The following WHRN variants were observed in gnomAD, a reference collection of about 807,000 sequenced individuals.
The protein encoded by WHRN is CASK-interacting protein CIP98.
WHRN carries 41 observed loss-of-function variants against 68.3 expected under a neutral mutation model. The ratio of observed to expected loss-of-function variants is 0.60; its 90% CI spans 0.47 to 0.78. WHRN has a LOEUF of 0.78. Among genes scored for constraint, WHRN ranks in the 30% least tolerant of loss-of-function variants. WHRN has a pLI of 0.00. For synonymous variants in WHRN, 560 were observed against 561.3 expected (o/e 1.00, Z 0.03); for missense variants, 1,243 against 1,244.7 (o/e 1.00, Z 0.02).
intron 7 of WHRN, 79 bp downstream of exon 7, chr9:114,423,235 T>G (rs1836474698): frequency 5.5e-6 from 8 of 1,467,060 alleles, no homozygotes; most frequent in African/African-American, 1.4e-5. Flanking sequence ...GGATTCGAAC[T>G]CAGGCTGGTC....
intron 1 of WHRN, among the ~76,000 whole-genome samples, chr9:114,487,126 T>A (rs891558056): frequency 6.8e-6 from 1 of 147,750 alleles, no homozygotes; most frequent in Admixed American, 6.7e-5. Flanking sequence ...GATTATTAAA[T>A]TAGTCAATAT....
chr9:114,446,332 G>A (rs760484303), intron 3 of WHRN, among the ~76,000 whole-genome samples: 34 of 149,224 alleles, frequency 2.3e-4, no homozygotes, highest in Non-Finnish European at 2.6e-4. Context: ...GCAGTTTTCA[G>A]GGAGTGAAGG....
Position 114,486,995 on chromosome 9 carries a change from A to G in WHRN, c.619-8224T>C, listed in dbSNP as rs1223766886. ...TATATATATATATATATATATATATATATATATATATATAATATATATAGT... is the reference window on the plus strand; with the variant it reads ...TATATATATATATATATATATATATGTATATATATATATAATATATATAGT... On this transcript the variant is annotated intron_variant, in intron 1 of 11. Coordinates refer to ENST00000362057, the MANE Select transcript of WHRN (RefSeq NM_015404.4). Among the ~76,000 whole-genome samples the G allele has an allele frequency of 2.7e-4, 11 of 40,184 alleles. 1 individual carries two copies. Among genetic ancestry groups the G allele is most frequent in the African/African-American group, 1.1e-3 (11 of 10,384 alleles). 26.4% of individuals were successfully genotyped at this position (40,184 alleles called of 152,430 possible). A position where few individuals can be genotyped will look rare whatever the true frequency, so the allele number is the denominator to read the frequency against.
chr9:114,492,281 AAGAC>A (rs1361544531), intron 1 of WHRN, among the ~76,000 whole-genome samples: 1 of 152,170 alleles, frequency 6.6e-6, no homozygotes, highest in Non-Finnish European at 1.5e-5. Flanking sequence ...CACCTCTAGA[AAGAC>A]AGCCCAAGGA....
At chr9:114,469,473 TCTC>T (rs1168307887) in intron 2 of WHRN, among the ~76,000 whole-genome samples, 1 of 152,116 alleles carries the variant, frequency 6.6e-6, no homozygotes, top group East Asian at 1.9e-4. Flanking sequence ...GCAGCGAGTC[TCTC>T]CTCAAGAACT....
chr9:114,464,769 G>A (rs1270990644), intron 3 of WHRN, among the ~76,000 whole-genome samples: 1 of 151,940 alleles, frequency 6.6e-6, no homozygotes, highest in African/African-American at 2.4e-5. Flanking sequence ...ACTTGGAAGA[G>A]TAACTGGGAA....
chr9:114,421,406 G>T (rs2132332254), intron 7 of WHRN, among the ~76,000 whole-genome samples: 1 of 152,338 alleles, frequency 6.6e-6, no homozygotes, highest in Admixed American at 6.5e-5. Flanking sequence ...AGCCTGATTT[G>T]CCCTCAGGGC....
At chr9:114,461,834 A>G (rs1436225302) in intron 3 of WHRN, among the ~76,000 whole-genome samples, 1 of 152,174 alleles carries the variant, frequency 6.6e-6, no homozygotes, top group East Asian at 1.9e-4. Flanking sequence ...GTATTATTAC[A>G]ATTGTAACTA....
chr9:114,408,613 C>T (rs1835207973), intron 7 of WHRN, among the ~76,000 whole-genome samples: 1 of 152,236 alleles, frequency 6.6e-6, no homozygotes, highest in Admixed American at 6.5e-5. Flanking sequence ...TATGGGGGGC[C>T]CATCGGAGCT....
chr9:114,500,825 A>G (rs981323644), intron 1 of WHRN, among the ~76,000 whole-genome samples: 2 of 152,196 alleles, frequency 1.3e-5, no homozygotes, highest in Non-Finnish European at 2.9e-5. Context: ...GGGTCAAGAG[A>G]CAGCAGTCAA....
chr9:114,490,226 C>G (rs2133294477), intron 1 of WHRN, among the ~76,000 whole-genome samples: 1 of 152,160 alleles, frequency 6.6e-6, no homozygotes, highest in South Asian at 2.1e-4. Flanking sequence ...GAAATGCAGC[C>G]CAACATAAGG....
intron 1 of WHRN, among the ~76,000 whole-genome samples, chr9:114,483,095 T>G (rs913437450): frequency 3.3e-5 from 5 of 152,266 alleles, no homozygotes; most frequent in African/African-American, 1.2e-4. Flanking sequence ...ACCATTCATC[T>G]ACCTCTGATA....
Position 114,504,657 on chromosome 9 carries a change from G to C in WHRN, c.145C>G (p.Leu49Val). 1 of 1,605,072 alleles carries C rather than the reference G, an allele frequency of 6.2e-7. No individual in the cohort carries two copies. Among genetic ancestry groups the C allele is most frequent in the East Asian group, 2.2e-5 (1 of 44,734 alleles). The change falls in exon 1 of 12, where the codon CTG (leucine) becomes GTG (valine). Residue 49 changes from leucine (L) to valine (V), a missense_variant. Transcript: ENST00000362057. ...VRQLHQALTA[L>V]LSEAEREQFT... The stretch of plus-strand genomic sequence containing the variant: ...TGCTCCCGCTCCGCCTCGCTCAGCA[G>C]CGCGGTCAGCGCTTGGTGCAGCTGG...
chr9:114,419,487 C>A (rs1220035541), intron 7 of WHRN, among the ~76,000 whole-genome samples: 1 of 152,194 alleles, frequency 6.6e-6, no homozygotes, highest in Non-Finnish European at 1.5e-5. Flanking sequence ...AACTGGGAAA[C>A]CTGTACAGGC....
chr9:114,465,792 A>G (rs1282007045), intron 3 of WHRN, among the ~76,000 whole-genome samples: 1 of 152,194 alleles, frequency 6.6e-6, no homozygotes, highest in Non-Finnish European at 1.5e-5. Context: ...CCTACCCCTC[A>G]GGGTCACGTG....
intron 1 of WHRN, among the ~76,000 whole-genome samples, chr9:114,497,599 G>T (rs1843572935): frequency 6.6e-6 from 1 of 151,788 alleles, no homozygotes; most frequent in Non-Finnish European, 1.5e-5. Context: ...TTCATTGATT[G>T]CTTCAGAATG....
At chr9:114,487,005 AT>A (rs1213855930) in intron 1 of WHRN, among the ~76,000 whole-genome samples, 1 of 114,508 alleles carries the variant, frequency 8.7e-6, no homozygotes. Flanking sequence ...ATATATATAT[AT>A]ATAATATATA....
At chr9:114,496,950 A>G (rs1843511462) in intron 1 of WHRN, among the ~76,000 whole-genome samples, 1 of 152,206 alleles carries the variant, frequency 6.6e-6, no homozygotes, top group Non-Finnish European at 1.5e-5. Context: ...TCAAGCCTTT[A>G]TGGGGATAAA....
At chr9:114,501,551 TACACACACACACAC>T (rs59195050) in intron 1 of WHRN, among the ~76,000 whole-genome samples, 3 of 144,964 alleles carry the variant, frequency 2.1e-5, no homozygotes, top group South Asian at 2.2e-4. Flanking sequence ...TAATTTTTAT[TACACACACACACAC>T]ACACACACAC....
Sources: allele counts gnomAD v4.1 joint callset (sites outside exome capture counted in the v4.1 genomes callset), GRCh38; gene constraint gnomAD v4.1.1; transcripts MANE v1.5; gene names NCBI Gene and HGNC (gene_info 2026-07-23, HGNC 2026-07-21).